The following CD72 variants were observed in gnomAD, a reference collection of about 807,000 sequenced individuals.
CD72 encodes B-cell differentiation antigen CD72.
A neutral mutation model predicts 50.7 loss-of-function variants in CD72; 28 were observed. The observed-to-expected ratio is 0.55, with a 90% CI of 0.41 to 0.76. The LOEUF is 0.76. CD72 is among the 30% of genes least tolerant of loss of function. The probability of loss-of-function intolerance (pLI) is 0.00; values close to 1 mark genes in which losing one functional copy is unlikely to be tolerated. For synonymous variants in CD72, 176 were observed against 171.2 expected (o/e 1.03, Z -0.22); for missense variants, 403 against 420.6 (o/e 0.96, Z 0.37).
intron 7 of CD72, 70 bp from the exon 8 acceptor site, chr9:35,610,823 CT>C: frequency 1.5e-6 from 2 of 1,319,510 alleles, no homozygotes; most frequent in Non-Finnish European, 2.1e-6. Context: ...TCCCCTTCCC[CT>C]GTATAAAACC....
At position 35,610,273 on chromosome 9, in the gene CD72, G is replaced by A. The variant is rs1249826342; in HGVS notation, c.*50C>T. 3 of 226,328 alleles carry A rather than the reference G, an allele frequency of 1.3e-5. No individual in the cohort carries two copies. Among genetic ancestry groups the A allele is most frequent in the Non-Finnish European group, 2.6e-5 (3 of 115,668 alleles). 14.0% of individuals were successfully genotyped at this position (226,328 alleles called of 1,614,324 possible). On this transcript the variant is annotated 3_prime_UTR_variant, in exon 9 of 9. Transcript: ENST00000259633. ...CCCCAGGCCTCAGGTTAGGAAGGAG[G>A]GGCACAGGTTCTTGTTGGCATGAGT...
chr9:35,614,801 T>C (rs183532809), intron 5 of CD72, among the ~76,000 whole-genome samples: 15 of 152,200 alleles, frequency 9.9e-5, no homozygotes, highest in Admixed American at 4.6e-4. Flanking sequence ...AGGAGTTCGA[T>C]ACCGGCCAGG....
intron 1 of CD72, among the ~76,000 whole-genome samples, chr9:35,624,889 A>T (rs1823182136): frequency 6.6e-6 from 1 of 152,224 alleles, no homozygotes; most frequent in Non-Finnish European, 1.5e-5. Context: ...ACCATGAACC[A>T]TACCTATAAG....
upstream of CD72, chr9:35,618,944 C>T: frequency 5.6e-6 from 2 of 356,870 alleles, no homozygotes; most frequent in South Asian, 2.1e-5. Context: ...GCCCCCCATG[C>T]ACCCTCATGG....
At chr9:35,611,950 C>A in intron 6 of CD72, 31 bp from the exon 7 acceptor site, 1 of 1,141,820 alleles carries the variant, frequency 8.8e-7, no homozygotes, top group Non-Finnish European at 1.3e-6. Flanking sequence ...ACCAGAGATA[C>A]ATGGAGAGTG....
intron 1 of CD72, among the ~76,000 whole-genome samples, chr9:35,633,749 A>G (rs972048922): frequency 2.0e-5 from 3 of 152,272 alleles, no homozygotes; most frequent in Non-Finnish European, 2.9e-5. Context: ...ATGTTCCTTG[A>G]CTTAGGATGG....
intron 1 of CD72, among the ~76,000 whole-genome samples, chr9:35,640,973 G>A (rs963547150): frequency 2.0e-5 from 3 of 152,198 alleles, no homozygotes; most frequent in Non-Finnish European, 4.4e-5. Context: ...TGTGAGCTAA[G>A]TGGCAAGCCC....
chr9:35,617,032 A>T (rs891676722), intron 3 of CD72, 144 bp downstream of exon 3: 2 of 1,468,362 alleles, frequency 1.4e-6, no homozygotes, highest in African/African-American at 2.8e-5. Flanking sequence ...ATGAAGGTGA[A>T]TGTGGCACGG....
At chr9:35,631,275 ATAT>A (rs1252638909) in intron 1 of CD72, among the ~76,000 whole-genome samples, 1 of 152,130 alleles carries the variant, frequency 6.6e-6, no homozygotes, top group Non-Finnish European at 1.5e-5. Flanking sequence ...AAAAAAGATA[ATAT>A]TATAATTTCT....
chr9:35,645,077 T>TA (rs34875724), intron 1 of CD72, among the ~76,000 whole-genome samples: 18,811 of 151,654 alleles, frequency 0.12, 1,574 homozygotes, highest in East Asian at 0.4. Flanking sequence ...AGCATGCCTG[T>TA]ATTCCCAGCT....
intron 1 of CD72, chr9:35,643,397 C>T (rs1057387261): frequency 2.0e-5 from 3 of 152,264 alleles, no homozygotes; most frequent in Non-Finnish European, 4.4e-5. Context: ...CTGCAGAGAT[C>T]TGAGATCCAA....
intron 1 of CD72, among the ~76,000 whole-genome samples, chr9:35,630,303 G>T (rs1823233695): frequency 1.3e-5 from 2 of 152,164 alleles, no homozygotes; most frequent in Admixed American, 1.3e-4. Flanking sequence ...CTCCCAAAGT[G>T]CTGGGATTAC....
chr9:35,626,511 A>T (rs915591775), intron 1 of CD72, among the ~76,000 whole-genome samples: 8 of 152,214 alleles, frequency 5.3e-5, no homozygotes, highest in African/African-American at 1.4e-4. Flanking sequence ...GTTTGCGAGG[A>T]TTGACTCCAA....
upstream of CD72, chr9:35,618,708 G>A (rs1192257075): frequency 3.5e-6 from 4 of 1,157,164 alleles, no homozygotes; most frequent in African/African-American, 3.2e-5. Flanking sequence ...CTTGTCCACT[G>A]GGGCTTATGA....
intron 1 of CD72, among the ~76,000 whole-genome samples, chr9:35,633,698 C>T (rs1235775989): frequency 6.6e-6 from 1 of 152,176 alleles, no homozygotes; most frequent in Non-Finnish European, 1.5e-5. Context: ...CCACCTCCCC[C>T]AGCCCGTAAC....
intron 1 of CD72, among the ~76,000 whole-genome samples, chr9:35,643,700 G>T (rs981799610): frequency 6.6e-6 from 1 of 152,142 alleles, no homozygotes; most frequent in African/African-American, 2.4e-5. Flanking sequence ...AGAAGGGGCC[G>T]GGCTGGGTAA....
At chr9:35,644,261 G>A (rs564290960) in intron 1 of CD72, among the ~76,000 whole-genome samples, 2 of 143,544 alleles carry the variant, frequency 1.4e-5, no homozygotes, top group Non-Finnish European at 3.0e-5. Context: ...CAGGAGAATC[G>A]CTTGAAACCA....
At chr9:35,626,021 A>G (rs1823194655) in intron 1 of CD72, among the ~76,000 whole-genome samples, 1 of 152,014 alleles carries the variant, frequency 6.6e-6, no homozygotes, top group African/African-American at 2.4e-5. Context: ...CCGTGGGTCA[A>G]GAAGTAATTT....
At chr9:35,629,348 G>A (rs1463853924) in intron 1 of CD72, among the ~76,000 whole-genome samples, 1 of 152,128 alleles carries the variant, frequency 6.6e-6, no homozygotes, top group Non-Finnish European at 1.5e-5. Context: ...TTAAAGGAAA[G>A]TTGAAAGAAT....
Sources: gnomAD v4.1 joint callset for allele counts (sites outside exome capture counted in the v4.1 genomes callset) on GRCh38, gnomAD v4.1.1 for gene constraint, MANE v1.5 for transcripts, NCBI Gene and HGNC (gene_info 2026-07-23, HGNC 2026-07-21) for gene names.